CCDC85A: variants seen among roughly 807,000 people sequenced by gnomAD.
CCDC85A encodes the protein coiled-coil domain-containing protein 85A.
Under a neutral mutation model 50.2 loss-of-function variants are expected in CCDC85A, and 38 were observed. The ratio of observed to expected loss-of-function variants is 0.76; its 90% CI spans 0.58 to 0.99. CCDC85A has a LOEUF of 0.99. CCDC85A is among the 50% of genes least tolerant of loss of function. The pLI is 0.00. For synonymous variants in CCDC85A, 366 were observed against 301.4 expected (o/e 1.21, Z -2.22); for missense variants, 820 against 742.0 (o/e 1.11, Z -1.22).
chr2:56,224,083 C>A (rs1265602585), intron 2 of CCDC85A, among the ~76,000 whole-genome samples: 1 of 152,170 alleles, frequency 6.6e-6, no homozygotes, highest in Non-Finnish European at 1.5e-5. Context: ...CCCAAAATAT[C>A]ATTTGCATTT....
At chr2:56,296,466 G>C (rs990226896) in intron 2 of CCDC85A, among the ~76,000 whole-genome samples, 2 of 152,194 alleles carry the variant, frequency 1.3e-5, no homozygotes, top group African/African-American at 4.8e-5. Context: ...AGAAGGAGCA[G>C]GCAGCTGAAC....
At chr2:56,280,528 C>T (rs142238205) in intron 2 of CCDC85A, among the ~76,000 whole-genome samples, 3 of 152,252 alleles carry the variant, frequency 2.0e-5, no homozygotes, top group African/African-American at 7.2e-5. Flanking sequence ...AATTCCTCCT[C>T]ACCATGCTTA....
At chr2:56,355,006 A>G (rs1374201951) in intron 3 of CCDC85A, among the ~76,000 whole-genome samples, 2 of 152,146 alleles carry the variant, frequency 1.3e-5, no homozygotes, top group Admixed American at 6.5e-5. Context: ...CCAGCCCGCT[A>G]TGAGTCTGCT....
intron 2 of CCDC85A, among the ~76,000 whole-genome samples, chr2:56,334,418 A>G (rs1313988023): frequency 6.6e-6 from 1 of 152,254 alleles, no homozygotes; most frequent in African/African-American, 2.4e-5. Context: ...ATATTTTCAT[A>G]TAGCATTTTT....
chr2:56,263,260 G>A (rs1306206389), intron 2 of CCDC85A, among the ~76,000 whole-genome samples: 1 of 152,144 alleles, frequency 6.6e-6, no homozygotes, highest in Non-Finnish European at 1.5e-5. Context: ...GTCTTGCACT[G>A]CCCAAACACA....
intron 2 of CCDC85A, among the ~76,000 whole-genome samples, chr2:56,274,401 G>T (rs1670833979): frequency 6.6e-6 from 1 of 152,182 alleles, no homozygotes; most frequent in Non-Finnish European, 1.5e-5. Flanking sequence ...ATACATTTAA[G>T]CAACAGTTAA....
intron 3 of CCDC85A, among the ~76,000 whole-genome samples, chr2:56,353,578 T>C (rs897019679): frequency 6.6e-6 from 1 of 152,100 alleles, no homozygotes; most frequent in Non-Finnish European, 1.5e-5. Context: ...CAAGAACAGA[T>C]AGAGAGAAGC....
intron 2 of CCDC85A, among the ~76,000 whole-genome samples, chr2:56,280,729 A>G (rs1360148379): frequency 6.6e-6 from 1 of 152,164 alleles, no homozygotes; most frequent in Non-Finnish European, 1.5e-5. Context: ...GTGGGAGGCA[A>G]TGATGTTAGC....
At position 56,192,402 on chromosome 2, in the gene CCDC85A, C is replaced by G; in HGVS notation, c.277-75C>G. ...AGGTAATTCACCAGTTACAGGCTCT[C>G]CCTTTCCAGGAAGTCTGAGCCTGCT... On this transcript the variant is annotated intron_variant, in intron 1 of 5. Coordinates refer to ENST00000407595, the MANE Select transcript of CCDC85A (RefSeq NM_001080433.2). This position sits in a 1 kb window ranked among gnomAD's most constrained non-coding sequence, Gnocchi z 4.7. 1 of 1,526,990 alleles carries G rather than the reference C, an allele frequency of 6.5e-7. No homozygotes were observed. The highest frequency in any genetic ancestry group is 8.8e-7 in the Non-Finnish European group (1 of 1,138,228). The allele number at this position is 1,526,990 out of a possible 1,614,324, so 94.6% of individuals were successfully genotyped here.
intron 4 of CCDC85A, 103 bp downstream of exon 4, chr2:56,372,581 C>A: frequency 7.9e-7 from 1 of 1,258,954 alleles, no homozygotes; most frequent in Non-Finnish European, 1.0e-6. Flanking sequence ...CAAGTTCATA[C>A]ACATGAAAGA....
chr2:56,184,597 C>T lies in CCDC85A; in HGVS notation c.-28C>T. The stretch of plus-strand genomic sequence containing the variant: ...CGGGAGTCGCCTCGCCTCTTCCACC[C>T]ACTTGCACCTGCCACCCCGCGGATA... On this transcript the variant is annotated 5_prime_UTR_variant, in exon 1 of 6. Coordinates refer to ENST00000407595, the MANE Select transcript of CCDC85A (RefSeq NM_001080433.2). 7.1e-7 allele frequency: 1 copy of T among 1,408,320 alleles called. No individual in the cohort carries two copies. The highest frequency in any genetic ancestry group is 9.1e-7 in the Non-Finnish European group (1 of 1,096,290). The allele number at this position is 1,408,320 out of a possible 1,614,324, so 87.2% of individuals were successfully genotyped here. A position where few individuals can be genotyped will look rare whatever the true frequency, so the allele number is the denominator to read the frequency against.
chr2:56,264,603 C>CTT (rs1188498645), intron 2 of CCDC85A, among the ~76,000 whole-genome samples: 1 of 152,218 alleles, frequency 6.6e-6, no homozygotes, highest in Non-Finnish European at 1.5e-5. Flanking sequence ...AACTGGTCTC[C>CTT]ATGCTTCACC....
chr2:56,200,032 C>T (rs1468917881), intron 2 of CCDC85A, among the ~76,000 whole-genome samples: 1 of 152,158 alleles, frequency 6.6e-6, no homozygotes, highest in East Asian at 1.9e-4. Context: ...CCACGCCTAG[C>T]TAATTTTTGT....
chr2:56,218,829 A>G (rs986324006), intron 2 of CCDC85A, among the ~76,000 whole-genome samples: 1 of 151,988 alleles, frequency 6.6e-6, no homozygotes, highest in African/African-American at 2.4e-5. Flanking sequence ...CAGATTTTTG[A>G]CATTAAATTT....
At chr2:56,311,046 C>A (rs930155337) in intron 2 of CCDC85A, among the ~76,000 whole-genome samples, 1 of 152,126 alleles carries the variant, frequency 6.6e-6, no homozygotes, top group Non-Finnish European at 1.5e-5. Flanking sequence ...TGTCCTTAGA[C>A]CTTTCCATGG....
intron 5 of CCDC85A, chr2:56,379,854 TTTAATGTGC>T: frequency 1.1e-6 from 1 of 917,030 alleles, no homozygotes; most frequent in South Asian, 5.0e-5. Context: ...GCAATGTAAG[TTTAATGTGC>T]TTTATTGTGT....
At chr2:56,200,946 A>G (rs1233069121) in intron 2 of CCDC85A, among the ~76,000 whole-genome samples, 2 of 150,346 alleles carry the variant, frequency 1.3e-5, no homozygotes, top group South Asian at 2.1e-4. Flanking sequence ...TTTTTTTTTT[A>G]TTTAAAAATT....
intron 1 of CCDC85A, among the ~76,000 whole-genome samples, chr2:56,187,727 AT>A (rs1470295368): frequency 6.6e-6 from 1 of 152,218 alleles, no homozygotes; most frequent in Non-Finnish European, 1.5e-5. Flanking sequence ...GCTAGTTGAC[AT>A]TCTTTGCTTA....
chr2:56,264,536 C>G (rs767579250), intron 2 of CCDC85A, among the ~76,000 whole-genome samples: 1 of 152,146 alleles, frequency 6.6e-6, no homozygotes, highest in East Asian at 1.9e-4. Flanking sequence ...CCTATACTGC[C>G]AACACCCTGG....
Sources: gnomAD v4.1 joint callset for allele counts (sites outside exome capture counted in the v4.1 genomes callset) on GRCh38, gnomAD v4.1.1 for gene constraint, Gnocchi (gnomAD v3.1) non-coding constraint, MANE v1.5 for transcripts, NCBI Gene and HGNC (gene_info 2026-07-23, HGNC 2026-07-21) for gene names.